The following RYR2 variants were observed in gnomAD, a reference collection of about 807,000 sequenced individuals.
RYR2 encodes ryanodine receptor 2.
A neutral mutation model predicts 601.1 loss-of-function variants in RYR2; 227 were observed. The observed-to-expected ratio is 0.38, with a 90% CI of 0.34 to 0.42. The LOEUF is 0.42. Ranked by LOEUF, RYR2 falls within the 10% of genes least tolerant of loss-of-function variation. The pLI, the probability that RYR2 is intolerant of heterozygous loss-of-function variation, is 1.00. For synonymous variants in RYR2, 2,223 were observed against 2,175.1 expected (o/e 1.02, Z -0.61); for missense variants, 4,646 against 6,156.5 (o/e 0.75, Z 8.21).
At chr1:237,475,259 G>A (rs908664398) in intron 17 of RYR2, among the ~76,000 whole-genome samples, 4 of 152,142 alleles carry the variant, frequency 2.6e-5, no homozygotes, top group East Asian at 1.9e-4. Context: ...GTTCTCTAAA[G>A]ATTCTTACTG....
intron 74 of RYR2, among the ~76,000 whole-genome samples, chr1:237,723,882 A>AAG (rs1204645832): frequency 6.6e-6 from 1 of 152,076 alleles, no homozygotes; most frequent in Non-Finnish European, 1.5e-5. Flanking sequence ...TTGCACAAGA[A>AAG]TGTGTAAAAC....
At chr1:237,563,461 G>A (rs12071146) in intron 27 of RYR2, among the ~76,000 whole-genome samples, 1 of 125,738 alleles carries the variant, frequency 8.0e-6, no homozygotes, top group East Asian at 2.1e-4. Context: ...GATTAAAAAA[G>A]AAAAAGAAGA....
At position 237,284,665 on chromosome 1, in the gene RYR2, C is replaced by CAT. The variant is rs201550202; in HGVS notation, c.168+14064_168+14065dup. Among the ~76,000 whole-genome samples the CAT allele has an allele frequency of 2.1e-3, 117 of 56,916 alleles. 1 individual carries two copies. The highest frequency in any genetic ancestry group is 4.4e-3 in the African/African-American group (46 of 10,378). 37.3% of individuals were successfully genotyped at this position (56,916 alleles called of 152,430 possible). ...GTGTGTATATATATATATATTCCACCATATATATATATATATGTACACACA... is the reference window on the plus strand; with the variant it reads ...GTGTGTATATATATATATATTCCACCATATATATATATATATATGTACACACA... On this transcript the variant is annotated intron_variant, in intron 2 of 104. Transcript: ENST00000366574.
chr1:237,793,545 T>C (rs1430987369), intron 94 of RYR2, among the ~76,000 whole-genome samples: 2 of 152,224 alleles, frequency 1.3e-5, no homozygotes, highest in African/African-American at 4.8e-5. Flanking sequence ...TGTTGAGAGA[T>C]ATATGTAAAC....
At chr1:237,127,771 C>T (rs898311818) in intron 1 of RYR2, among the ~76,000 whole-genome samples, 10 of 151,550 alleles carry the variant, frequency 6.6e-5, no homozygotes, top group Admixed American at 2.0e-4. Context: ...AGGCGCTCCT[C>T]ACATCCCAGA....
intron 59 of RYR2, 43 bp downstream of exon 59, chr1:237,674,262 G>A (rs751899471): frequency 4.5e-5 from 67 of 1,480,266 alleles, no homozygotes; most frequent in Middle Eastern, 1.8e-4. Context: ...TTTCACAAGA[G>A]TGAATATTTA....
intron 1 of RYR2, among the ~76,000 whole-genome samples, chr1:237,256,648 C>T (rs1242639269): frequency 6.6e-6 from 1 of 152,180 alleles, no homozygotes; most frequent in Non-Finnish European, 1.5e-5. Flanking sequence ...GCTTCTGAGC[C>T]AATAACTTTG....
intron 42 of RYR2, among the ~76,000 whole-genome samples, chr1:237,632,941 A>G (rs1680505214): frequency 1.3e-5 from 2 of 152,080 alleles, no homozygotes; most frequent in South Asian, 4.1e-4. Flanking sequence ...GTACTTTATT[A>G]CAGAAGAACT....
intron 24 of RYR2, among the ~76,000 whole-genome samples, chr1:237,529,760 TACACACACACAC>T (rs71561882): frequency 8.9e-5 from 12 of 134,592 alleles, no homozygotes; most frequent in East Asian, 2.2e-4. Flanking sequence ...AATAATATCA[TACACACACACAC>T]ACACACACAC....
intron 11 of RYR2, among the ~76,000 whole-genome samples, chr1:237,418,022 T>C (rs1167614679): frequency 6.6e-6 from 1 of 151,982 alleles, no homozygotes; most frequent in Non-Finnish European, 1.5e-5. Flanking sequence ...CTTACTCTAG[T>C]ATAACTATAT....
chr1:237,092,810 C>T (rs755870903), intron 1 of RYR2, among the ~76,000 whole-genome samples: 7 of 152,296 alleles, frequency 4.6e-5, no homozygotes, highest in South Asian at 2.1e-4. Context: ...GGGTTATAGG[C>T]GTGAGCCACC....
rs1664095528 is a variant in RYR2, at chr1:237,496,551, G to T, written c.2002G>T (p.Ala668Ser). ...TTTTCTGGGCGTCAGTGAAGGTTCT[G>T]CTCAGTATAAGAAATGGTACTATGA... is the stretch of plus-strand genomic sequence containing the variant. ...NIFLGVSEGS[A>S]QYKKWYYELM... Residue 668 changes from alanine (A) to serine (S), a missense_variant, in exon 20 of 105, where the codon GCT becomes TCT. Coordinates refer to ENST00000366574, the MANE Select transcript of RYR2 (RefSeq NM_001035.3). 1 of 1,614,004 alleles carries T rather than the reference G, an allele frequency of 6.2e-7. No homozygotes were observed. The highest frequency in any genetic ancestry group is 8.5e-7 in the Non-Finnish European group (1 of 1,179,890).
chr1:237,430,269 A>G (rs1706671008), intron 12 of RYR2, among the ~76,000 whole-genome samples: 2 of 151,338 alleles, frequency 1.3e-5, no homozygotes, highest in South Asian at 4.2e-4. Context: ...GGAGATATGT[A>G]TAACAATATA....
chr1:237,631,806 T>G (rs1680322953), intron 42 of RYR2, among the ~76,000 whole-genome samples: 1 of 151,386 alleles, frequency 6.6e-6, no homozygotes, highest in Non-Finnish European at 1.5e-5. Context: ...TTTTTTGTGT[T>G]TTTAGTAGAG....
chr1:237,633,941 T>G (rs1680603177), intron 43 of RYR2, among the ~76,000 whole-genome samples: 1 of 152,102 alleles, frequency 6.6e-6, no homozygotes, highest in South Asian at 2.1e-4. Flanking sequence ...GAATGCCTAT[T>G]ATTGAAAAGA....
intron 38 of RYR2, 54 bp downstream of exon 38, chr1:237,617,540 G>T (rs569314299): frequency 6.5e-7 from 1 of 1,548,566 alleles, no homozygotes; most frequent in Admixed American, 1.8e-5. Flanking sequence ...TAGTCATTCA[G>T]GATCTCTGCC....
chr1:237,616,984 A>G (rs1247814032), intron 37 of RYR2, among the ~76,000 whole-genome samples: 7 of 152,190 alleles, frequency 4.6e-5, no homozygotes, highest in Admixed American at 6.5e-5. Flanking sequence ...TGATTCAGTT[A>G]TCTCCACCCA....
At chr1:237,491,698 ATAAT>A in intron 17 of RYR2, 104 bp from the exon 18 acceptor site, 1 of 633,566 alleles carries the variant, frequency 1.6e-6, no homozygotes, top group Admixed American at 2.7e-5. Flanking sequence ...TTGAGCACAG[ATAAT>A]TACATGTTGT....
intron 1 of RYR2, among the ~76,000 whole-genome samples, chr1:237,163,990 A>G (rs975155163): frequency 2.0e-5 from 3 of 152,204 alleles, no homozygotes; most frequent in African/African-American, 7.2e-5. Flanking sequence ...CAGAAAGCTC[A>G]TATGTAACTG....
Sources: allele counts gnomAD v4.1 joint callset (sites outside exome capture counted in the v4.1 genomes callset), GRCh38; gene constraint gnomAD v4.1.1; transcripts MANE v1.5; gene names NCBI Gene and HGNC (gene_info 2026-07-23, HGNC 2026-07-21).